TMEM132D: variants seen among roughly 807,000 people sequenced by gnomAD.
TMEM132D encodes the protein transmembrane protein 132D.
A neutral mutation model predicts 62.3 loss-of-function variants in TMEM132D; 21 were observed. The observed-to-expected ratio is 0.34, with a 90% CI of 0.24 to 0.49. TMEM132D has a LOEUF of 0.49. TMEM132D is among the 20% of genes least tolerant of loss of function. The pLI, the probability that TMEM132D is intolerant of heterozygous loss-of-function variation, is 0.99. For synonymous variants in TMEM132D, 621 were observed against 575.6 expected (o/e 1.08, Z -1.13); for missense variants, 1,346 against 1,402.8 (o/e 0.96, Z 0.65).
At chr12:129,503,057 A>C (rs1875204992) in intron 3 of TMEM132D, among the ~76,000 whole-genome samples, 1 of 152,206 alleles carries the variant, frequency 6.6e-6, no homozygotes, top group Non-Finnish European at 1.5e-5. Flanking sequence ...TTAACGAGTG[A>C]ATGAAAAGGG....
At chr12:129,678,103 T>A (rs1281589918) in intron 2 of TMEM132D, among the ~76,000 whole-genome samples, 2 of 146,014 alleles carry the variant, frequency 1.4e-5, no homozygotes, top group African/African-American at 5.0e-5. Context: ...TTTTCAGTAT[T>A]TGTTGATATA....
At chr12:129,484,363 G>A (rs1179077047) in intron 3 of TMEM132D, among the ~76,000 whole-genome samples, 2 of 152,068 alleles carry the variant, frequency 1.3e-5, no homozygotes, top group Admixed American at 6.6e-5. Flanking sequence ...CTTGTCCAAG[G>A]GTAACTTTAT....
At chr12:129,132,931 C>T (rs10744400) in intron 5 of TMEM132D, among the ~76,000 whole-genome samples, 70,114 of 151,918 alleles carry the variant, frequency 0.46, 17,882 homozygotes, top group Non-Finnish European at 0.58. Flanking sequence ...CTCCAGTTGC[C>T]GTCACGTTGG....
intron 1 of TMEM132D, among the ~76,000 whole-genome samples, chr12:129,881,105 G>C (rs1306352711): frequency 2.6e-5 from 4 of 151,780 alleles, no homozygotes; most frequent in African/African-American, 4.8e-5. Flanking sequence ...AATAACACTG[G>C]GGAAAAAGGA....
intron 2 of TMEM132D, among the ~76,000 whole-genome samples, chr12:129,627,974 G>T (rs1392638227): frequency 2.0e-5 from 3 of 152,174 alleles, no homozygotes; most frequent in African/African-American, 7.2e-5. Flanking sequence ...GTGACAAAGT[G>T]AGATCTTGTC....
Position 129,089,402 on chromosome 12 carries a change from C to A in TMEM132D, c.1444-4700G>T, listed in dbSNP as rs796636459. On this transcript the variant is annotated intron_variant, in intron 5 of 8. Transcript: ENST00000422113. ...TGTCCTCCATGACCGGGTGTCCTCC[C>A]TGACCGGGATGTCCTCCATGACCGG... Among the ~76,000 whole-genome samples the A allele has an allele frequency of 9.9e-4, 54 of 54,686 alleles. 3 individuals are homozygous for A. The highest frequency in any genetic ancestry group is 1.6e-3 in the East Asian group (2 of 1,278). The allele number at this position is 54,686 out of a possible 152,430, so 35.9% of individuals were successfully genotyped here.
chr12:129,161,126 T>C (rs913680105), intron 5 of TMEM132D, among the ~76,000 whole-genome samples: 1 of 152,242 alleles, frequency 6.6e-6, no homozygotes, highest in South Asian at 2.1e-4. Context: ...GGTATGTGCC[T>C]GCTTCCTTCC....
chr12:129,075,683 A>G (rs560428265), intron 8 of TMEM132D, among the ~76,000 whole-genome samples: 1 of 152,120 alleles, frequency 6.6e-6, no homozygotes, highest in Non-Finnish European at 1.5e-5. Context: ...ACAGCAGGAG[A>G]GGGAGAAGCA....
At chr12:129,446,378 G>A (rs1873098311) in intron 3 of TMEM132D, among the ~76,000 whole-genome samples, 1 of 152,138 alleles carries the variant, frequency 6.6e-6, no homozygotes, top group Admixed American at 6.5e-5. Flanking sequence ...GTACCCTCCG[G>A]AGCTGTGCTA....
intron 3 of TMEM132D, among the ~76,000 whole-genome samples, chr12:129,475,552 G>T (rs185067798): frequency 6.6e-6 from 1 of 152,282 alleles, no homozygotes; most frequent in East Asian, 1.9e-4. Context: ...TAAAGCAGTT[G>T]GATCCCATGC....
chr12:129,654,245 GTCTCTCTCTT>G (rs1001264321), intron 2 of TMEM132D, among the ~76,000 whole-genome samples: 2 of 150,896 alleles, frequency 1.3e-5, no homozygotes, highest in African/African-American at 4.9e-5. Context: ...ATCAGTCTCA[GTCTCTCTCTT>G]TCTCTCTCTC....
intron 2 of TMEM132D, among the ~76,000 whole-genome samples, chr12:129,691,163 T>C (rs1358451880): frequency 6.6e-6 from 1 of 151,948 alleles, no homozygotes; most frequent in Non-Finnish European, 1.5e-5. Context: ...TTACCCCCAA[T>C]TTTGAGATGC....
intron 3 of TMEM132D, among the ~76,000 whole-genome samples, chr12:129,354,441 A>G (rs951737905): frequency 3.1e-4 from 47 of 152,038 alleles, no homozygotes; most frequent in Admixed American, 2.7e-3. Flanking sequence ...CTTCTGCCTC[A>G]GTCTCCCGAG....
intron 3 of TMEM132D, among the ~76,000 whole-genome samples, chr12:129,442,910 C>T (rs574680946): frequency 7.2e-5 from 11 of 152,204 alleles, no homozygotes; most frequent in Admixed American, 2.0e-4. Flanking sequence ...AGGGAGGTGA[C>T]GGTGGCTGAC....
At chr12:129,711,595 C>T (rs948963147) in intron 1 of TMEM132D, among the ~76,000 whole-genome samples, 2 of 151,744 alleles carry the variant, frequency 1.3e-5, no homozygotes, top group African/African-American at 2.4e-5. Context: ...GGCATGGTGG[C>T]GCAGGCCTGT....
At chr12:129,796,449 T>TCAC (rs1871563756) in intron 1 of TMEM132D, among the ~76,000 whole-genome samples, 2 of 152,178 alleles carry the variant, frequency 1.3e-5, no homozygotes, top group African/African-American at 4.8e-5. Context: ...TTTAAACATT[T>TCAC]AGGTTCAGGG....
At chr12:129,248,126 A>C (rs1323507928) in intron 4 of TMEM132D, among the ~76,000 whole-genome samples, 1 of 152,194 alleles carries the variant, frequency 6.6e-6, no homozygotes, top group African/African-American at 2.4e-5. Context: ...AATTCTCAGT[A>C]ATTTTAACTC....
chr12:129,438,833 G>A (rs1234864765), intron 3 of TMEM132D, among the ~76,000 whole-genome samples: 2 of 152,108 alleles, frequency 1.3e-5, no homozygotes, highest in African/African-American at 4.8e-5. Flanking sequence ...GTGTCGAAAA[G>A]AAATAAAACT....
intron 1 of TMEM132D, among the ~76,000 whole-genome samples, chr12:129,865,233 A>C (rs1230265703): frequency 6.6e-6 from 1 of 152,234 alleles, no homozygotes; most frequent in Non-Finnish European, 1.5e-5. Context: ...ATGGTGCAGA[A>C]GCCTGCAGGA....
Sources: gnomAD v4.1 joint callset for allele counts (sites outside exome capture counted in the v4.1 genomes callset) on GRCh38, gnomAD v4.1.1 for gene constraint, MANE v1.5 for transcripts, NCBI Gene and HGNC (gene_info 2026-07-23, HGNC 2026-07-21) for gene names.